The following PCNT variants were observed in gnomAD, a reference collection of about 807,000 sequenced individuals.
PCNT encodes the protein pericentrin.
In PCNT, 319 loss-of-function variants were observed where a neutral mutation model predicts 380.4. The ratio of observed to expected loss-of-function variants is 0.84; its 90% CI spans 0.77 to 0.92. PCNT has a LOEUF of 0.92. Among genes scored for constraint, PCNT ranks in the 40% least tolerant of loss-of-function variants. The pLI is 0.00. For synonymous variants in PCNT, 1,845 were observed against 1,735.2 expected (o/e 1.06, Z -1.57); for missense variants, 4,400 against 4,255.3 (o/e 1.03, Z -0.95).
intron 3 of PCNT, among the ~76,000 whole-genome samples, chr21:46,339,486 C>T (rs1011622253): frequency 3.9e-5 from 6 of 152,192 alleles, no homozygotes; most frequent in African/African-American, 1.4e-4. Flanking sequence ...AGTAAGCCAT[C>T]TGCAGGCTGA....
chr21:46,397,150 A>G (rs2086236675), intron 21 of PCNT, 115 bp from the exon 22 acceptor site: 1 of 833,048 alleles, frequency 1.2e-6, no homozygotes, highest in Non-Finnish European at 2.0e-6. Flanking sequence ...CCCCGAATTG[A>G]AGTGACTTCA....
intron 15 of PCNT, among the ~76,000 whole-genome samples, chr21:46,370,402 C>T (rs752439773): frequency 2.1e-5 from 3 of 143,296 alleles, no homozygotes; most frequent in Admixed American, 7.0e-5. Flanking sequence ...GTGCGGGGGT[C>T]GGGGAGGCTG....
intron 29 of PCNT, among the ~76,000 whole-genome samples, chr21:46,414,041 G>C (rs1409455140): frequency 1.3e-5 from 2 of 150,962 alleles, no homozygotes; most frequent in East Asian, 3.9e-4. Flanking sequence ...GCCCAGGCTG[G>C]AGTGCAGTGG....
chr21:46,371,194 A>C (rs1008074393), intron 15 of PCNT, among the ~76,000 whole-genome samples: 3 of 149,820 alleles, frequency 2.0e-5, no homozygotes, highest in Non-Finnish European at 4.4e-5. Flanking sequence ...TGCACACAGT[A>C]TGGTTTATTT....
chr21:46,430,463 C>T (rs758678236), intron 36 of PCNT, 44 bp from the exon 37 acceptor site: 12 of 1,547,970 alleles, frequency 7.8e-6, no homozygotes, highest in South Asian at 1.2e-5. Flanking sequence ...CGGGAACACA[C>T]TCTGGCCCAC....
chr21:46,359,488 T>A lies in PCNT; in HGVS notation c.2154+2297T>A, dbSNP rs2084616817. Among the ~76,000 whole-genome samples, 2 of 82,084 alleles carry A rather than the reference T, an allele frequency of 2.4e-5. 1 individual carries two copies. The highest frequency in any genetic ancestry group is 5.8e-5 in the Non-Finnish European group (2 of 34,414). 53.9% of individuals were successfully genotyped at this position (82,084 alleles called of 152,430 possible). On this transcript the variant is annotated intron_variant, in intron 13 of 46. Coordinates refer to ENST00000359568, the MANE Select transcript of PCNT (RefSeq NM_006031.6). ...TGTCCAAAAATACACCTGTTTTTTTTTTGTTTTTTTTTTTTTTTTGAGACA... is the reference window on the plus strand; with the variant it reads ...TGTCCAAAAATACACCTGTTTTTTTATTGTTTTTTTTTTTTTTTTGAGACA...
chr21:46,401,789 G>A, intron 26 of PCNT, 68 bp downstream of exon 26: 2 of 1,454,698 alleles, frequency 1.4e-6, no homozygotes, highest in African/African-American at 1.4e-5. Context: ...CTCTGTGGCA[G>A]ATCCGATGTC....
intron 2 of PCNT, among the ~76,000 whole-genome samples, chr21:46,333,580 C>T (rs957819853): frequency 6.6e-6 from 1 of 150,380 alleles, no homozygotes; most frequent in East Asian, 2.0e-4. Flanking sequence ...GCCTGGGCGA[C>T]GGAGTGAAAC....
chr21:46,349,972 C>G (rs1601804277), intron 8 of PCNT, 152 bp downstream of exon 8: 1 of 833,036 alleles, frequency 1.2e-6, no homozygotes, highest in Non-Finnish European at 2.0e-6. Context: ...GCCTGTAACT[C>G]TATCACTTTG....
chr21:46,443,945 G>A lies in PCNT; in HGVS notation c.9836G>A (p.Gly3279Glu). The change falls in exon 45 of 47, where the codon GGA (glycine) becomes GAA (glutamate). Residue 3279 changes from glycine to glutamate, a missense_variant. Physicochemically the swap from Gly to Glu is moderately conservative, Grantham distance 98 (BLOSUM62 -2). Transcript: ENST00000359568. ...GCAGCAGCCTCCCCACACAGTGGGG[G>A]AAGGTCAGTGTGATGCCTTCAGGCC... Reference protein sequence around the residue: ...LAAAASPHSGGRATPSPNSRL... With the variant: ...LAAAASPHSGERATPSPNSRL... 1 of 1,612,056 alleles carries A rather than the reference G, an allele frequency of 6.2e-7. No individual in the cohort carries two copies. The highest frequency in any genetic ancestry group is 8.5e-7 in the Non-Finnish European group (1 of 1,179,786).
At chr21:46,331,888 A>G (rs1028305864) in intron 2 of PCNT, among the ~76,000 whole-genome samples, 1 of 152,254 alleles carries the variant, frequency 6.6e-6, no homozygotes. Context: ...GGCGGGACGC[A>G]TTGGCTCATG....
intron 32 of PCNT, among the ~76,000 whole-genome samples, chr21:46,424,378 A>G (rs1396247579): frequency 6.6e-6 from 1 of 152,222 alleles, no homozygotes; most frequent in Non-Finnish European, 1.5e-5. Context: ...TGGAGATGGC[A>G]GAACCTTCTC....
chr21:46,397,192 G>C (rs1194035459), intron 21 of PCNT, 73 bp from the exon 22 acceptor site: 1 of 1,151,858 alleles, frequency 8.7e-7, no homozygotes, highest in African/African-American at 1.5e-5. Flanking sequence ...ATCACCATCA[G>C]GAGATGCACG....
In PCNT at chr21:46,428,410, A is replaced by G. The variant is rs373858531; in HGVS notation, c.7510A>G (p.Lys2504Glu). The G allele has an allele frequency of 1.2e-6, 2 of 1,612,340 alleles. No individual in the cohort carries two copies. Among genetic ancestry groups the G allele is most frequent in the African/African-American group, 2.7e-5 (2 of 74,932 alleles). Residue 2504 changes from lysine (K) to glutamate (E), a missense_variant, in exon 35 of 47, where the codon AAG (lysine) becomes GAG (glutamate). Coordinates refer to ENST00000359568, the MANE Select transcript of PCNT (RefSeq NM_006031.6). Reference protein sequence around the residue: ...IIREQGDLQEKSLEHLRLPDR... With the variant: ...IIREQGDLQEESLEHLRLPDR... The stretch of plus-strand genomic sequence containing the variant: ...GTGCCCCCAGGGAGACCTGCAGGAA[A>G]AGTCCCTGGAGCATCTTCGCTTGCC...
At chr21:46,355,750 C>T (rs2084451642) in intron 12 of PCNT, 124 bp downstream of exon 12, 1 of 930,790 alleles carries the variant, frequency 1.1e-6, no homozygotes, top group East Asian at 2.6e-5. Flanking sequence ...CCGACCTCTT[C>T]TTCTGGGGCT....
Position 46,418,196 on chromosome 21 carries a change from C to CT in PCNT, c.6922-6dup, listed in dbSNP as rs201802058. ...TTATTTTATGACCATTTAAAAATCTCTTAACAGGAGAAAGATGTCGAAGAT... is the reference window on the plus strand; with the variant it reads ...TTATTTTATGACCATTTAAAAATCTCTTTAACAGGAGAAAGATGTCGAAGAT... On this transcript the variant is annotated splice_polypyrimidine_tract_variant and splice_region_variant and intron_variant, in intron 30 of 46. Coordinates refer to ENST00000359568, the MANE Select transcript of PCNT (RefSeq NM_006031.6). 12 of 1,535,066 alleles carry CT rather than the reference C, an allele frequency of 7.8e-6. No homozygotes were observed. The South Asian group carries it at 1.1e-4, about 14-fold the overall frequency.
At chr21:46,387,741 T>A (rs2085888704) in intron 17 of PCNT, among the ~76,000 whole-genome samples, 1 of 152,152 alleles carries the variant, frequency 6.6e-6, no homozygotes, top group South Asian at 2.1e-4. Context: ...CCTCATCGTC[T>A]GCTCCTCAGG....
rs1293348678 is a variant in PCNT, at chr21:46,436,089, G to A, written c.8937G>A (p.Arg2979=). The A allele has an allele frequency of 6.2e-7, 1 of 1,612,066 alleles. No homozygotes were observed. The highest frequency in any genetic ancestry group is 8.5e-7 in the Non-Finnish European group (1 of 1,179,878). ...AGCAGCGAGAGCTGGAGGCGATGAG[G>A]CAGCGGCTGCTCTCTGCCGCCCGGC... ...REQQRELEAM[R]QRLLSAARLL... Residue 2979 remains arginine (R), a synonymous_variant, in exon 39 of 47, where the codon AGG becomes AGA. Coordinates refer to ENST00000359568, the MANE Select transcript of PCNT (RefSeq NM_006031.6).
chr21:46,409,077 T>G (rs1220393013), intron 27 of PCNT, among the ~76,000 whole-genome samples: 1 of 152,146 alleles, frequency 6.6e-6, no homozygotes, highest in Non-Finnish European at 1.5e-5. Flanking sequence ...TTGGGAATTC[T>G]TTATATCTTT....
Sources: gnomAD v4.1 joint callset for allele counts (sites outside exome capture counted in the v4.1 genomes callset) on GRCh38, gnomAD v4.1.1 for gene constraint, MANE v1.5 for transcripts, NCBI Gene and HGNC (gene_info 2026-07-23, HGNC 2026-07-21) for gene names.